Variants in TAFA1 observed in about 807,000 individuals in gnomAD.
TAFA1 encodes TAFA chemokine like family member 1.
A neutral mutation model predicts 18.5 loss-of-function variants in TAFA1; 4 were observed. That is an observed-to-expected ratio of 0.22 (90% CI 0.11 to 0.49). TAFA1 has a LOEUF of 0.49. TAFA1 is among the 20% of genes least tolerant of loss of function. The pLI is 0.98. For missense variants in TAFA1, 147 were observed against 169.0 expected (o/e 0.87, Z 0.72); for synonymous variants, 56 against 55.2 (o/e 1.01, Z -0.06).
intron 2 of TAFA1, among the ~76,000 whole-genome samples, chr3:68,415,434 G>A (rs1406043317): frequency 2.6e-5 from 4 of 152,138 alleles, no homozygotes; most frequent in African/African-American, 9.7e-5. Flanking sequence ...CTAAGGAACT[G>A]ACCTTTGAGT....
At chr3:68,398,364 C>T (rs2070424668) in intron 2 of TAFA1, among the ~76,000 whole-genome samples, 1 of 152,080 alleles carries the variant, frequency 6.6e-6, no homozygotes, top group Non-Finnish European at 1.5e-5. Flanking sequence ...AACTGGCTAG[C>T]CATATGCAGA....
At chr3:68,142,027 G>A (rs2065672769) in intron 2 of TAFA1, among the ~76,000 whole-genome samples, 1 of 152,124 alleles carries the variant, frequency 6.6e-6, no homozygotes, top group South Asian at 2.1e-4. Flanking sequence ...AGAATCTGAA[G>A]TTACCAAACT....
intron 2 of TAFA1, among the ~76,000 whole-genome samples, chr3:68,208,512 G>C (rs1221675680): frequency 6.6e-6 from 1 of 151,914 alleles, no homozygotes; most frequent in African/African-American, 2.4e-5. Flanking sequence ...CACCAATCAG[G>C]ACAAGGCTAC....
the TAFA1 span, among the ~76,000 whole-genome samples, chr3:67,996,190 G>T: frequency 6.6e-6 from 1 of 152,136 alleles, no homozygotes; most frequent in Non-Finnish European, 1.5e-5. Context: ...ACAAATGACT[G>T]CCCAAATGAA....
intron 3 of TAFA1, among the ~76,000 whole-genome samples, chr3:68,458,788 CT>C (rs199714996): frequency 1.3e-3 from 191 of 146,880 alleles, no homozygotes; most frequent in South Asian, 2.2e-3. Context: ...GTGCTTCCCA[CT>C]TTTTTTTTTT....
chr3:68,044,489 C>T (rs1327153030), intron 2 of TAFA1, among the ~76,000 whole-genome samples: 1 of 152,156 alleles, frequency 6.6e-6, no homozygotes, highest in African/African-American at 2.4e-5. Flanking sequence ...CCTCCAGTCA[C>T]CTCCCTGACT....
chr3:68,251,735 G>A (rs1040270384), intron 2 of TAFA1, among the ~76,000 whole-genome samples: 3 of 152,202 alleles, frequency 2.0e-5, no homozygotes, highest in African/African-American at 7.2e-5. Context: ...TGGCCTCTGT[G>A]AGTGAAATGT....
At chr3:68,145,303 G>A in intron 2 of TAFA1, 1 of 791,154 alleles carries the variant, frequency 1.3e-6, no homozygotes, top group Admixed American at 1.7e-5. Context: ...AGTGGTCTGA[G>A]ACAGTCCAGC....
At chr3:68,342,390 G>A (rs139614236) in intron 2 of TAFA1, among the ~76,000 whole-genome samples, 393 of 152,256 alleles carry the variant, frequency 2.6e-3, no homozygotes, top group African/African-American at 8.8e-3. Flanking sequence ...AATCAGCTCC[G>A]AAAGGCTGTG....
At chr3:68,240,760 C>T (rs1018195714) in intron 2 of TAFA1, among the ~76,000 whole-genome samples, 34 of 152,158 alleles carry the variant, frequency 2.2e-4, no homozygotes, top group African/African-American at 7.5e-4. Flanking sequence ...CACTCTGAAG[C>T]GCTGTAATTT....
chr3:68,513,667 G>A (rs528555135), intron 3 of TAFA1, among the ~76,000 whole-genome samples: 84 of 152,040 alleles, frequency 5.5e-4, no homozygotes, highest in African/African-American at 1.9e-3. Context: ...CTATTGCCTC[G>A]AGAAACACTA....
At chr3:68,110,059 T>G (rs1261327740) in intron 2 of TAFA1, among the ~76,000 whole-genome samples, 4 of 152,180 alleles carry the variant, frequency 2.6e-5, no homozygotes, top group South Asian at 4.1e-4. Flanking sequence ...GGGGGTTTGC[T>G]GCACAGATCC....
At chr3:68,526,709 T>A (rs6774723) in intron 3 of TAFA1, among the ~76,000 whole-genome samples, 121,759 of 152,008 alleles carry the variant, frequency 0.8, 48,858 homozygotes, top group East Asian at 0.9. Flanking sequence ...GTATATAAAC[T>A]CATTCCTTCA....
At chr3:68,084,722 C>T (rs1272899556) in intron 2 of TAFA1, among the ~76,000 whole-genome samples, 4 of 151,028 alleles carry the variant, frequency 2.6e-5, no homozygotes, top group Admixed American at 6.6e-5. Flanking sequence ...CGCTTGAAGC[C>T]GGGAGGCGGA....
At chr3:68,073,968 C>A (rs2064790921) in intron 2 of TAFA1, among the ~76,000 whole-genome samples, 1 of 152,076 alleles carries the variant, frequency 6.6e-6, no homozygotes, top group East Asian at 1.9e-4. Context: ...CACTTTATGT[C>A]TATTATTATT....
At chr3:68,509,767 A>C (rs1158089738) in intron 3 of TAFA1, among the ~76,000 whole-genome samples, 1 of 152,116 alleles carries the variant, frequency 6.6e-6, no homozygotes, top group Non-Finnish European at 1.5e-5. Flanking sequence ...AGAATTACAC[A>C]AGAAGAGCAA....
chr3:68,318,844 A>G (rs1012790674), intron 2 of TAFA1, among the ~76,000 whole-genome samples: 7 of 152,182 alleles, frequency 4.6e-5, no homozygotes, highest in African/African-American at 1.4e-4. Flanking sequence ...CCTCTTCAAT[A>G]AAAAAGCACT....
intron 2 of TAFA1, among the ~76,000 whole-genome samples, chr3:68,136,703 C>T (rs1382796992): frequency 4.6e-5 from 7 of 152,122 alleles, no homozygotes; most frequent in Admixed American, 1.3e-4. Context: ...CCAGGGAAAG[C>T]GCAGAGGATT....
intron 2 of TAFA1, among the ~76,000 whole-genome samples, chr3:68,220,699 C>T (rs1298637405): frequency 6.6e-6 from 1 of 152,118 alleles, no homozygotes; most frequent in Non-Finnish European, 1.5e-5. Flanking sequence ...GAGTTTGGCT[C>T]TCTCAGTCTC....
Sources: gnomAD v4.1 joint callset for allele counts (sites outside exome capture counted in the v4.1 genomes callset) on GRCh38, gnomAD v4.1.1 for gene constraint, MANE v1.5 for transcripts, NCBI Gene and HGNC (gene_info 2026-07-23, HGNC 2026-07-21) for gene names.